Variants in MAPK10 observed in about 807,000 individuals in gnomAD.
MAPK10 encodes the protein JNK3 alpha protein kinase.
A neutral mutation model predicts 59.3 loss-of-function variants in MAPK10; 25 were observed. The ratio of observed to expected loss-of-function variants is 0.42; its 90% CI spans 0.31 to 0.59. The LOEUF is 0.59. Ranked by LOEUF, MAPK10 falls within the 20% of genes least tolerant of loss-of-function variation. The probability of loss-of-function intolerance (pLI) is 0.15; values close to 1 mark genes in which losing one functional copy is unlikely to be tolerated. For missense variants in MAPK10, 351 were observed against 568.9 expected (o/e 0.62, Z 3.90); for synonymous variants, 190 against 200.5 (o/e 0.95, Z 0.44).
intron 4 of MAPK10, among the ~76,000 whole-genome samples, chr4:86,117,116 A>C (rs2058407237): frequency 1.3e-5 from 2 of 152,244 alleles, no homozygotes; most frequent in Admixed American, 1.3e-4. Flanking sequence ...TTAAACTTTA[A>C]ATACATTATA....
intron 2 of MAPK10, among the ~76,000 whole-genome samples, chr4:86,276,850 G>A (rs2094595540): frequency 1.3e-5 from 2 of 152,154 alleles, no homozygotes; most frequent in African/African-American, 4.8e-5. Flanking sequence ...AAACAGCCCT[G>A]CATCACAATG....
chr4:86,471,767 G>A (rs1455853540), intron 1 of MAPK10, among the ~76,000 whole-genome samples: 1 of 151,998 alleles, frequency 6.6e-6, no homozygotes, highest in Non-Finnish European at 1.5e-5. Flanking sequence ...TAATGCATCT[G>A]CTATGTTTTC....
At chr4:86,311,225 T>C (rs1231849956) in intron 2 of MAPK10, among the ~76,000 whole-genome samples, 1 of 152,086 alleles carries the variant, frequency 6.6e-6, no homozygotes, top group African/African-American at 2.4e-5. Context: ...ATAAGGAAGC[T>C]TAAAAGATAA....
At chr4:86,291,444 A>G (rs749580737) in intron 2 of MAPK10, among the ~76,000 whole-genome samples, 1 of 152,202 alleles carries the variant, frequency 6.6e-6, no homozygotes, top group Non-Finnish European at 1.5e-5. Context: ...AATGCTTCTT[A>G]GTGAAAAGGC....
upstream of MAPK10, among the ~76,000 whole-genome samples, chr4:86,454,619 A>T (rs1751074332): frequency 6.6e-6 from 1 of 152,190 alleles, no homozygotes; most frequent in Non-Finnish European, 1.5e-5. Flanking sequence ...AGCCTCCAAG[A>T]AGTCTGGAAG....
intron 11 of MAPK10, among the ~76,000 whole-genome samples, chr4:86,033,750 T>A (rs1016174773): frequency 6.6e-6 from 1 of 152,236 alleles, no homozygotes; most frequent in Non-Finnish European, 1.5e-5. Context: ...ATTTACTACA[T>A]ATTCAGATTT....
At chr4:86,115,582 C>T (rs891055259) in intron 4 of MAPK10, among the ~76,000 whole-genome samples, 3 of 152,170 alleles carry the variant, frequency 2.0e-5, no homozygotes, top group Admixed American at 2.0e-4. Flanking sequence ...CTGCCTCAGC[C>T]TCCTGAGTAG....
chr4:86,172,952 T>G (rs1000882875), intron 3 of MAPK10, among the ~76,000 whole-genome samples: 1 of 151,654 alleles, frequency 6.6e-6, no homozygotes, highest in Non-Finnish European at 1.5e-5. Context: ...AAACCACTGT[T>G]CAAAGAAATA....
upstream of MAPK10, among the ~76,000 whole-genome samples, chr4:86,363,739 CCT>C (rs869251241): frequency 6.8e-6 from 1 of 145,986 alleles, no homozygotes; most frequent in Non-Finnish European, 1.5e-5. Flanking sequence ...AAAATTTATT[CCT>C]CTTGTTTTAC....
chr4:86,159,414 G>T lies in MAPK10; in HGVS notation c.120C>A (p.Ser40Arg), dbSNP rs758538326. Residue 40 changes from serine to arginine, a missense_variant, in exon 4 of 14, where the codon AGC becomes AGA. Physicochemically the swap from Ser to Arg is moderately radical, Grantham distance 110. Coordinates refer to ENST00000641462, the MANE Select transcript of MAPK10 (RefSeq NM_138982.4). ...VSYIAKHYNM[S>R]KSKVDNQFYS... is the part of the protein sequence containing the mutation. The stretch of plus-strand genomic sequence containing the variant: ...AGAACTGGTTGTCAACTTTGCTTTT[G>T]CTCATGTTGTAATGTTTGGCAATAT... 6.2e-7 allele frequency: 1 copy of T among 1,612,440 alleles called. No individual in the cohort carries two copies. The highest frequency in any genetic ancestry group is 8.5e-7 in the Non-Finnish European group (1 of 1,178,924).
At chr4:86,303,494 A>C (rs1006073549) in intron 2 of MAPK10, among the ~76,000 whole-genome samples, 2 of 151,870 alleles carry the variant, frequency 1.3e-5, no homozygotes, top group Non-Finnish European at 2.9e-5. Context: ...GAAAGAAAGA[A>C]AGACAGACAG....
chr4:86,540,199 G>T (rs1758564855), intron 1 of MAPK10, among the ~76,000 whole-genome samples: 2 of 152,160 alleles, frequency 1.3e-5, no homozygotes, highest in African/African-American at 4.8e-5. Context: ...AAGCACCTTT[G>T]ATATGTAAGA....
At chr4:86,055,122 T>C (rs1340021424) in intron 11 of MAPK10, among the ~76,000 whole-genome samples, 2 of 152,176 alleles carry the variant, frequency 1.3e-5, no homozygotes, top group Non-Finnish European at 2.9e-5. Context: ...GCACACAGAT[T>C]ATAGACCAAA....
At chr4:86,262,537 T>C (rs567503377) in intron 2 of MAPK10, among the ~76,000 whole-genome samples, 1 of 152,304 alleles carries the variant, frequency 6.6e-6, no homozygotes, top group Non-Finnish European at 1.5e-5. Context: ...TCTGGTTGCC[T>C]TTTTAACACG....
At chr4:86,312,315 G>A (rs1237208861) in intron 2 of MAPK10, among the ~76,000 whole-genome samples, 5 of 152,054 alleles carry the variant, frequency 3.3e-5, no homozygotes, top group Admixed American at 2.6e-4. Flanking sequence ...AGTCATCACA[G>A]TACATGCTTT....
chr4:86,536,621 C>A (rs1032346278), intron 1 of MAPK10, among the ~76,000 whole-genome samples: 1 of 151,916 alleles, frequency 6.6e-6, no homozygotes, highest in Non-Finnish European at 1.5e-5. Context: ...TTCCTTTTTC[C>A]TCAGGTTGTC....
At position 86,014,198 on chromosome 4, in the gene MAPK10, C is replaced by T. The variant is rs1454117894; in HGVS notation, c.*3030G>A. ...AATGAGCCCCAACCCCAGGTAGAAC[C>T]TTCACTTTTTTTCAGGAATATTGTC... On this transcript the variant is annotated 3_prime_UTR_variant, in exon 14 of 14. Coordinates refer to ENST00000641462, the MANE Select transcript of MAPK10 (RefSeq NM_138982.4). 6.6e-6 allele frequency: 1 copy of T among 152,054 alleles called. No individual in the cohort carries two copies. The highest frequency in any genetic ancestry group is 1.5e-5 in the Non-Finnish European group (1 of 68,034). 9.4% of individuals were successfully genotyped at this position (152,054 alleles called of 1,614,324 possible).
chr4:86,247,010 G>A (rs116511894), intron 2 of MAPK10, among the ~76,000 whole-genome samples: 570 of 152,328 alleles, frequency 3.7e-3, no homozygotes, highest in Middle Eastern at 6.8e-3. Flanking sequence ...TCCTTGGTGG[G>A]AGGGTAGGTT....
At chr4:86,241,083 C>T (rs1473645280) in intron 2 of MAPK10, among the ~76,000 whole-genome samples, 1 of 152,104 alleles carries the variant, frequency 6.6e-6, no homozygotes, top group East Asian at 1.9e-4. Context: ...TTTATTTCTC[C>T]ATTGCATATG....
Sources: gnomAD v4.1 joint callset for allele counts (sites outside exome capture counted in the v4.1 genomes callset) on GRCh38, gnomAD v4.1.1 for gene constraint, MANE v1.5 for transcripts, NCBI Gene and HGNC (gene_info 2026-07-23, HGNC 2026-07-21) for gene names.